Variants in RALGPS2 observed in about 807,000 individuals in gnomAD.
The protein encoded by RALGPS2 is ras-specific guanine nucleotide-releasing factor RalGPS2.
In RALGPS2, 43 loss-of-function variants were observed where a neutral mutation model predicts 86.8. The ratio of observed to expected loss-of-function variants is 0.50; its 90% CI spans 0.39 to 0.64. The LOEUF (loss-of-function observed/expected upper bound fraction) is 0.64, where lower values mean the gene tolerates loss of function less well. Ranked by LOEUF, RALGPS2 falls within the 30% of genes least tolerant of loss-of-function variation. RALGPS2 has a pLI of 0.00. For synonymous variants in RALGPS2, 243 were observed against 231.3 expected (o/e 1.05, Z -0.46); for missense variants, 536 against 694.6 (o/e 0.77, Z 2.57).
chr1:178,771,782 A>ATTATT (rs1208992627), intron 1 of RALGPS2, among the ~76,000 whole-genome samples: 49 of 152,208 alleles, frequency 3.2e-4, no homozygotes, highest in Admixed American at 7.9e-4. Flanking sequence ...ATTACCAAAA[A>ATTATT]GGACTATACC....
At chr1:178,883,109 T>C (rs962064809) in intron 10 of RALGPS2, among the ~76,000 whole-genome samples, 3 of 152,214 alleles carry the variant, frequency 2.0e-5, no homozygotes, top group African/African-American at 4.8e-5. Flanking sequence ...AACTTTTTAA[T>C]GTATTTTCCC....
intron 16 of RALGPS2, 34 bp downstream of exon 16, chr1:178,894,058 T>C: frequency 7.9e-7 from 1 of 1,264,564 alleles, no homozygotes; most frequent in Non-Finnish European, 1.1e-6. Context: ...TTAATACACC[T>C]CTAAAAATAT....
intron 6 of RALGPS2, among the ~76,000 whole-genome samples, chr1:178,813,411 T>C (rs1368314104): frequency 6.6e-6 from 1 of 152,206 alleles, no homozygotes; most frequent in Non-Finnish European, 1.5e-5. Context: ...AGACTTTGAA[T>C]TATTTTTGAC....
chr1:178,906,779 A>C lies in RALGPS2; in HGVS notation c.1634A>C (p.Asn545Thr). The part of the protein sequence containing the change: ...LFLLTDSEKG[N>T]SYKFQAGNRM... ...CCCTTATTTTGGATAATTTTAGGAA[A>C]TTCGTACAAGTTTCAAGCTGGCAAT... The change falls in exon 19 of 20, where the codon AAT becomes ACT. Residue 545 changes from asparagine (N) to threonine (T), a missense_variant. By Grantham distance (65) the Asn-to-Thr change is moderately conservative. Transcript: ENST00000367635. The C allele has an allele frequency of 6.2e-7, 1 of 1,609,746 alleles. No individual in the cohort carries two copies. The highest frequency in any genetic ancestry group is 1.1e-5 in the South Asian group (1 of 89,714).
chr1:178,819,145 C>T (rs112092520), intron 6 of RALGPS2, among the ~76,000 whole-genome samples: 2,232 of 151,760 alleles, frequency 0.015, 53 homozygotes, highest in African/African-American at 0.052. Flanking sequence ...CATGCCACCA[C>T]GCACCTGGTT....
rs1330720337 is a variant in RALGPS2 at position 178,811,339 on chromosome 1, A to G, written c.322A>G (p.Ile108Val). 2.6e-6 allele frequency: 4 copies of G among 1,550,064 alleles called. No individual in the cohort carries two copies. Among genetic ancestry groups the G allele is most frequent in the Non-Finnish European group, 3.5e-6 (4 of 1,157,386 alleles). Residue 108 changes from isoleucine (I) to valine (V), a missense_variant, in exon 6 of 20, where the codon ATT becomes GTT. Coordinates refer to ENST00000367635, the MANE Select transcript of RALGPS2 (RefSeq NM_152663.5). ...NHVSFWVVRE[I>V]LHAQTLKIRA... ...GGTAAGCTTTTGGGTTGTTAGAGAG[A>G]TTCTTCATGCTCAAACATTAAAAAT...
Position 178,920,547 on chromosome 1 carries a change from TC to T in RALGPS2, c.*4190del, listed in dbSNP as rs1647267025. 1 of 152,002 alleles carries T rather than the reference TC, an allele frequency of 6.6e-6. No individual in the cohort carries two copies. Among genetic ancestry groups the T allele is most frequent in the Admixed American group, 6.6e-5 (1 of 15,240 alleles). 9.4% of individuals were successfully genotyped at this position (152,002 alleles called of 1,614,324 possible). A position where few individuals can be genotyped will look rare whatever the true frequency, so the allele number is the denominator to read the frequency against. ...CCTCTGTAGGTGATTGTTGCAGTCT[TC>T]CTTGGTTTTTGAGTCTTTTTAAACA... is the stretch of plus-strand genomic sequence containing the variant. On this transcript the variant is annotated 3_prime_UTR_variant, in exon 20 of 20. Coordinates refer to ENST00000367635, the MANE Select transcript of RALGPS2 (RefSeq NM_152663.5).
intron 8 of RALGPS2, chr1:178,851,305 G>A (rs1657159279): frequency 1.9e-6 from 3 of 1,608,360 alleles, no homozygotes; most frequent in Non-Finnish European, 2.5e-6. Context: ...TTATGAAAGT[G>A]GGCGCAGTTT....
chr1:178,880,005 CTT>C lies in RALGPS2; in HGVS notation c.836+1016_836+1017del, dbSNP rs1363858938. Among the ~76,000 whole-genome samples, 5 of 151,870 alleles carry C rather than the reference CTT, an allele frequency of 3.3e-5. No individual in the cohort carries two copies. In the East Asian group the frequency reaches 9.7e-4, roughly 29 times the overall value. On this transcript the variant is annotated intron_variant, in intron 10 of 19. Coordinates refer to ENST00000367635, the MANE Select transcript of RALGPS2 (RefSeq NM_152663.5). ...AGCTTATTTCTCTTGAAGCTTCACT[CTT>C]TTCTTTTAGCTTCATTTGTTACTTT...
intron 1 of RALGPS2, among the ~76,000 whole-genome samples, chr1:178,728,427 A>G (rs1161634149): frequency 7.3e-6 from 1 of 137,352 alleles, no homozygotes; most frequent in Non-Finnish European, 1.6e-5. Context: ...TTGCTATGTA[A>G]AATAGGCACA....
At chr1:178,828,811 G>T (rs1028118102) in intron 7 of RALGPS2, among the ~76,000 whole-genome samples, 1 of 152,054 alleles carries the variant, frequency 6.6e-6, no homozygotes, top group Non-Finnish European at 1.5e-5. Flanking sequence ...GGGAACTGTT[G>T]TACAGTGTTG....
chr1:178,763,119 CTTGT>C (rs1157273412), intron 1 of RALGPS2, among the ~76,000 whole-genome samples: 1 of 152,074 alleles, frequency 6.6e-6, no homozygotes, highest in Non-Finnish European at 1.5e-5. Context: ...TTCCCCATTG[CTTGT>C]TTTTGTCAGC....
chr1:178,884,908 G>A (rs1033236914), intron 11 of RALGPS2, among the ~76,000 whole-genome samples, 168 bp from the exon 12 acceptor site: 3 of 152,096 alleles, frequency 2.0e-5, no homozygotes, highest in Admixed American at 1.3e-4. Flanking sequence ...GATTTTGTAT[G>A]GTTTGGGATT....
At position 178,916,779 on chromosome 1, in the gene RALGPS2, A is replaced by T. The variant is rs1205416312; in HGVS notation, c.*420A>T. ...TTTTAGATATGCTTTAAAAAGGAAAAACATACTCTTGTGGATTCCATCAGG... is the reference window on the plus strand; with the variant it reads ...TTTTAGATATGCTTTAAAAAGGAAATACATACTCTTGTGGATTCCATCAGG... On this transcript the variant is annotated 3_prime_UTR_variant, in exon 20 of 20. Coordinates refer to ENST00000367635, the MANE Select transcript of RALGPS2 (RefSeq NM_152663.5). 6.2e-6 allele frequency: 1 copy of T among 160,166 alleles called. No homozygotes were observed. The highest frequency in any genetic ancestry group is 1.4e-5 in the Non-Finnish European group (1 of 73,614). The allele number at this position is 160,166 out of a possible 1,614,324, so 9.9% of individuals were successfully genotyped here. A position where few individuals can be genotyped will look rare whatever the true frequency, so the allele number is the denominator to read the frequency against.
chr1:178,775,202 T>A (rs1187474075), intron 1 of RALGPS2, among the ~76,000 whole-genome samples: 1 of 152,166 alleles, frequency 6.6e-6, no homozygotes, highest in Non-Finnish European at 1.5e-5. Flanking sequence ...ATGAAGTAGG[T>A]ACTTATTATC....
chr1:178,786,401 AT>A (rs923917284), intron 4 of RALGPS2, among the ~76,000 whole-genome samples: 41 of 152,080 alleles, frequency 2.7e-4, no homozygotes, highest in African/African-American at 8.9e-4. Flanking sequence ...ACTTAATAAT[AT>A]GACTGCGTTG....
intron 9 of RALGPS2, 76 bp from the exon 10 acceptor site, chr1:178,878,826 G>A: frequency 6.4e-7 from 1 of 1,555,936 alleles, no homozygotes; most frequent in Non-Finnish European, 8.7e-7. Context: ...TTACCTTTAA[G>A]TTATTTTCAG....
intron 17 of RALGPS2, among the ~76,000 whole-genome samples, chr1:178,900,947 T>C (rs75752765): frequency 0.022 from 3,310 of 152,100 alleles, 139 homozygotes; most frequent in African/African-American, 0.076. Flanking sequence ...GTTTTTAGGC[T>C]TAAGAAAAGA....
chr1:178,782,295 C>A (rs1653431062), intron 2 of RALGPS2, among the ~76,000 whole-genome samples: 1 of 152,048 alleles, frequency 6.6e-6, no homozygotes, highest in African/African-American at 2.4e-5. Context: ...TTTTTATTAC[C>A]TCTAGGATGC....
Sources: gnomAD v4.1 joint callset for allele counts (sites outside exome capture counted in the v4.1 genomes callset) on GRCh38, gnomAD v4.1.1 for gene constraint, MANE v1.5 for transcripts, NCBI Gene and HGNC (gene_info 2026-07-23, HGNC 2026-07-21) for gene names.